REDIC1: variants seen among roughly 807,000 people sequenced by gnomAD.
REDIC1 encodes the protein regulator of DNA class I crossover intermediates 1.
the REDIC1 span, among the ~76,000 whole-genome samples, chr12:39,681,237 A>C: frequency 1.3e-5 from 2 of 152,088 alleles, no homozygotes; most frequent in South Asian, 4.1e-4. Flanking sequence ...GCACTACTGC[A>C]CTCCAGCCTG....
the REDIC1 span, among the ~76,000 whole-genome samples, chr12:39,633,116 A>G: frequency 6.6e-6 from 1 of 151,954 alleles, no homozygotes; most frequent in Non-Finnish European, 1.5e-5. Flanking sequence ...TTTAGGGTAC[A>G]TGTACACAAC....
chr12:39,683,230 A>G, the REDIC1 span: 89 of 1,290,856 alleles, frequency 6.9e-5, no homozygotes, highest in Non-Finnish European at 8.8e-5. Flanking sequence ...ACACACATCT[A>G]TATATTTGTA....
At chr12:39,865,236 T>C in the REDIC1 span, among the ~76,000 whole-genome samples, 1 of 152,214 alleles carries the variant, frequency 6.6e-6, no homozygotes, top group African/African-American at 2.4e-5. Flanking sequence ...GTGCCTAACA[T>C]ATCAAGAAGC....
At chr12:39,627,639 A>G in the REDIC1 span, among the ~76,000 whole-genome samples, 2 of 152,204 alleles carry the variant, frequency 1.3e-5, no homozygotes, top group Non-Finnish European at 2.9e-5. Context: ...TGGAGATATT[A>G]GGTACCAGGG....
the REDIC1 span, among the ~76,000 whole-genome samples, chr12:39,698,693 G>T: frequency 6.6e-6 from 1 of 152,020 alleles, no homozygotes; most frequent in Non-Finnish European, 1.5e-5. Context: ...GGAATTTTGG[G>T]AACTATACAA....
chr12:39,869,691 C>G, the REDIC1 span, among the ~76,000 whole-genome samples: 9 of 151,578 alleles, frequency 5.9e-5, no homozygotes, highest in Non-Finnish European at 8.8e-5. Flanking sequence ...AGGGATGGCT[C>G]TGGAAATCCT....
chr12:39,850,416 A>G, the REDIC1 span, among the ~76,000 whole-genome samples: 1 of 152,206 alleles, frequency 6.6e-6, no homozygotes, highest in Non-Finnish European at 1.5e-5. Context: ...GTTAGTTTGC[A>G]TAAGAAAAGA....
chr12:39,777,797 C>G, the REDIC1 span, among the ~76,000 whole-genome samples: 1 of 152,128 alleles, frequency 6.6e-6, no homozygotes, highest in African/African-American at 2.4e-5. Context: ...GGATGAGAGC[C>G]CAGTCCACTG....
the REDIC1 span, among the ~76,000 whole-genome samples, chr12:39,702,222 A>G: frequency 6.6e-6 from 1 of 152,234 alleles, no homozygotes; most frequent in Non-Finnish European, 1.5e-5. Context: ...GAGGAATCAA[A>G]TAGACGCAAT....
the REDIC1 span, among the ~76,000 whole-genome samples, chr12:39,796,436 A>G: frequency 1.3e-5 from 2 of 151,816 alleles, no homozygotes; most frequent in African/African-American, 2.4e-5. Flanking sequence ...AAAAAAAAAA[A>G]AAAAAAACCT....
the REDIC1 span, among the ~76,000 whole-genome samples, chr12:39,815,705 G>A: frequency 1.3e-5 from 2 of 152,190 alleles, no homozygotes; most frequent in African/African-American, 4.8e-5. Flanking sequence ...GGGAAAAATA[G>A]AGCATTTGAA....
At chr12:39,871,616 T>C in the REDIC1 span, among the ~76,000 whole-genome samples, 1 of 152,170 alleles carries the variant, frequency 6.6e-6, no homozygotes, top group Non-Finnish European at 1.5e-5. Context: ...TCTAGTCACG[T>C]AGCGTAACAG....
At chr12:39,687,849 G>T in the REDIC1 span, among the ~76,000 whole-genome samples, 2 of 152,174 alleles carry the variant, frequency 1.3e-5, no homozygotes, top group African/African-American at 4.8e-5. Flanking sequence ...AGTTTATGTA[G>T]TTTATTTCTA....
At chr12:39,745,446 C>T in the REDIC1 span, among the ~76,000 whole-genome samples, 1 of 152,128 alleles carries the variant, frequency 6.6e-6, no homozygotes. Context: ...ACTCTGCTTC[C>T]TCTGACTCAA....
the REDIC1 span, among the ~76,000 whole-genome samples, chr12:39,657,807 A>G: frequency 1.3e-5 from 2 of 151,946 alleles, no homozygotes; most frequent in African/African-American, 4.8e-5. Flanking sequence ...TTATGTTCTT[A>G]CAGAATTATC....
the REDIC1 span, among the ~76,000 whole-genome samples, chr12:39,784,056 C>T: frequency 6.6e-6 from 1 of 152,180 alleles, no homozygotes; most frequent in South Asian, 2.1e-4. Flanking sequence ...CTACAAACCA[C>T]TGCTCAACGA....
the REDIC1 span, among the ~76,000 whole-genome samples, chr12:39,832,540 C>G: frequency 6.6e-6 from 1 of 151,862 alleles, no homozygotes; most frequent in Non-Finnish European, 1.5e-5. Context: ...CAAGCGTGAC[C>G]CCAACTTCCC....
the REDIC1 span, chr12:39,736,671 G>A: frequency 6.6e-6 from 1 of 152,220 alleles, no homozygotes; most frequent in East Asian, 1.9e-4. Flanking sequence ...GTCGTAAAAG[G>A]TGATAGAATT....
chr12:39,672,722 C>G, the REDIC1 span, among the ~76,000 whole-genome samples: 1 of 152,132 alleles, frequency 6.6e-6, no homozygotes, highest in Non-Finnish European at 1.5e-5. Context: ...GGGGGCTCTG[C>G]TGATCCACAG....
Sources: allele counts gnomAD v4.1 joint callset (sites outside exome capture counted in the v4.1 genomes callset), GRCh38; gene constraint gnomAD v4.1.1; transcripts MANE v1.5; gene names NCBI Gene and HGNC (gene_info 2026-07-23, HGNC 2026-07-21).